ARVCF: variants seen among roughly 807,000 people sequenced by gnomAD.
The protein encoded by ARVCF is ARVCF delta catenin family member, also known as splicing regulator ARVCF.
ARVCF carries 66 observed loss-of-function variants against 90.9 expected under a neutral mutation model. That is an observed-to-expected ratio of 0.73 (90% CI 0.60 to 0.89). The LOEUF is 0.89. Ranked by LOEUF, ARVCF falls within the 40% of genes least tolerant of loss-of-function variation. The probability of loss-of-function intolerance (pLI) is 0.00; values close to 1 mark genes in which losing one functional copy is unlikely to be tolerated. For missense variants in ARVCF, 1,469 were observed against 1,382.3 expected (o/e 1.06, Z -1.00); for synonymous variants, 653 against 603.4 (o/e 1.08, Z -1.21).
intron 1 of ARVCF, among the ~76,000 whole-genome samples, chr22:20,015,990 A>G (rs1428286572): frequency 2.6e-5 from 4 of 152,170 alleles, no homozygotes; most frequent in African/African-American, 7.2e-5. Flanking sequence ...AGTGGAGATG[A>G]CATGTCTCCG....
At chr22:19,993,807 G>A (rs1334233659) in intron 2 of ARVCF, among the ~76,000 whole-genome samples, 1 of 152,238 alleles carries the variant, frequency 6.6e-6, no homozygotes, top group Non-Finnish European at 1.5e-5. Flanking sequence ...CTGAAGGGGG[G>A]CTGGAAAGGT....
intron 2 of ARVCF, among the ~76,000 whole-genome samples, chr22:19,994,192 C>T (rs983444627): frequency 4.0e-5 from 6 of 149,248 alleles, no homozygotes; most frequent in South Asian, 2.1e-4. Context: ...ATGGACAGGT[C>T]GGAGGATCGT....
At position 19,974,244 on chromosome 22, in the gene ARVCF, G is replaced by A. The variant is rs752977311; in HGVS notation, c.1961-5C>T. The A allele has an allele frequency of 3.1e-6, 5 of 1,601,778 alleles. 1 individual carries two copies. The highest frequency in any genetic ancestry group is 1.3e-5 in the African/African-American group (1 of 74,768). ...GCTGGTACAGCAGCTCAAAGCCTAG[G>A]TGCAGGGCAACCGCCACCCACGGTC... is the stretch of plus-strand genomic sequence containing the variant. On this transcript the variant is annotated splice_polypyrimidine_tract_variant and splice_region_variant and intron_variant, in intron 11 of 19. Coordinates refer to ENST00000263207, the MANE Select transcript of ARVCF (RefSeq NM_001670.3).
chr22:19,977,839 A>G, intron 8 of ARVCF, 119 bp downstream of exon 8: 1 of 1,251,700 alleles, frequency 8.0e-7, no homozygotes, highest in Non-Finnish European at 1.1e-6. Context: ...CCACACCCAG[A>G]ACGCCACCCC....
At chr22:19,979,607 A>G in intron 6 of ARVCF, 136 bp downstream of exon 6, 1 of 1,316,760 alleles carries the variant, frequency 7.6e-7, no homozygotes, top group East Asian at 2.5e-5. Flanking sequence ...TCCTGGGGCA[A>G]GCGTCTCAGC....
At position 19,981,977 on chromosome 22, in the gene ARVCF, T is replaced by C. The variant is rs202223185; in HGVS notation, c.325A>G (p.Ile109Val). Residue 109 changes from isoleucine to valine, a missense_variant, in exon 4 of 20, where the codon ATT becomes GTT. Ile to Val is a conservative substitution (Grantham distance 29, BLOSUM62 3). Coordinates refer to ENST00000263207, the MANE Select transcript of ARVCF (RefSeq NM_001670.3). ...GTTGTGCCATCTTCGGATGTGACAA[T>C]AGACACATGGGAAGTGGGTGTGCCG... is the stretch of plus-strand genomic sequence containing the variant. ...DPGTPTSHVS[I>V]VTSEDGTTRR... The C allele has an allele frequency of 1.8e-5, 29 of 1,612,908 alleles. No homozygotes were observed. The highest frequency in any genetic ancestry group is 1.3e-4 in the Admixed American group (8 of 59,976).
At chr22:20,002,469 TAAAA>T (rs1944480079) in intron 2 of ARVCF, among the ~76,000 whole-genome samples, 1 of 152,186 alleles carries the variant, frequency 6.6e-6, no homozygotes, top group Non-Finnish European at 1.5e-5. Flanking sequence ...ACAGCTTTGT[TAAAA>T]CAAACAAACG....
chr22:19,997,211 GT>G (rs1476556838), intron 2 of ARVCF, among the ~76,000 whole-genome samples: 1 of 152,206 alleles, frequency 6.6e-6, no homozygotes, highest in Non-Finnish European at 1.5e-5. Context: ...GAAGCCTAAG[GT>G]TAGGGCAAGG....
chr22:19,982,364 C>T, intron 3 of ARVCF, among the ~76,000 whole-genome samples: 1 of 152,170 alleles, frequency 6.6e-6, no homozygotes, highest in East Asian at 1.9e-4. Context: ...CTCAGGTCTC[C>T]TCAGGCTGAG....
In ARVCF at chr22:19,975,771, G is replaced by C. The variant is rs764362739; in HGVS notation, c.1889-14C>G. The stretch of plus-strand genomic sequence containing the variant: ...CATCCTTCTTTCCTGGAAGGGAAAG[G>C]TGGTGGGAGGTGAGGCAGACCCCAT... On this transcript the variant is annotated splice_polypyrimidine_tract_variant and intron_variant, in intron 10 of 19. Coordinates refer to ENST00000263207, the MANE Select transcript of ARVCF (RefSeq NM_001670.3). The C allele has an allele frequency of 1.9e-6, 3 of 1,613,048 alleles. No homozygotes were observed. Among genetic ancestry groups the C allele is most frequent in the African/African-American group, 2.7e-5 (2 of 75,042 alleles).
intron 14 of ARVCF, 35 bp from the exon 15 acceptor site, chr22:19,973,071 T>TGCC: frequency 7.4e-7 from 1 of 1,349,732 alleles, no homozygotes; most frequent in Non-Finnish European, 1.0e-6. Flanking sequence ...TGGTGGCCCC[T>TGCC]CCCCCACCTC....
intron 13 of ARVCF, 148 bp from the exon 14 acceptor site, chr22:19,973,465 C>T: frequency 7.5e-7 from 1 of 1,328,782 alleles, no homozygotes; most frequent in South Asian, 1.5e-5. Flanking sequence ...GTGAGCAGGG[C>T]GCTGAGCTTC....
In ARVCF at chr22:19,985,445, T is replaced by C. The variant is rs569596423; in HGVS notation, c.211-3354A>G. On this transcript the variant is annotated intron_variant, in intron 3 of 19. Transcript: ENST00000263207. ...CCACCTACCCCTGCTCACAAGAGGG[T>C]CCCGGGAACACAGGGCTGAGCCCAG... Among the ~76,000 whole-genome samples the C allele has an allele frequency of 5.8e-4, 88 of 151,988 alleles. 1 individual carries two copies. The highest frequency in any genetic ancestry group is 1.2e-3 in the Non-Finnish European group (80 of 67,950).
At chr22:19,987,382 T>C (rs71313933) in intron 3 of ARVCF, among the ~76,000 whole-genome samples, 50,166 of 94,138 alleles carry the variant, frequency 0.53, 10,315 homozygotes, top group African/African-American at 0.63. Flanking sequence ...GTCCCCCCAC[T>C]TCCCACCACC....
intron 2 of ARVCF, among the ~76,000 whole-genome samples, chr22:19,993,128 G>C (rs995319776): frequency 1.3e-5 from 2 of 152,104 alleles, no homozygotes; most frequent in African/African-American, 4.8e-5. Flanking sequence ...CCAGCCGCAG[G>C]GTGCACCCTG....
Position 19,971,341 on chromosome 22 carries a change from G to T in ARVCF, c.2782-6C>A. ...GCCTTCCTGCTGGGGTCGAGCTGCA[G>T]CGCACGGGTGGGCATTAGAGGCACA... On this transcript the variant is annotated splice_polypyrimidine_tract_variant and splice_region_variant and intron_variant, in intron 18 of 19. Transcript: ENST00000263207. The T allele has an allele frequency of 1.3e-6, 2 of 1,550,454 alleles. No individual in the cohort carries two copies.
chr22:20,007,387 G>A (rs1357592577), intron 2 of ARVCF, among the ~76,000 whole-genome samples: 1 of 152,260 alleles, frequency 6.6e-6, no homozygotes, highest in Non-Finnish European at 1.5e-5. Flanking sequence ...GGGTGACAGA[G>A]CGAGACTCCG....
intron 2 of ARVCF, among the ~76,000 whole-genome samples, chr22:19,995,153 C>G (rs747311933): frequency 2.6e-5 from 4 of 151,702 alleles, no homozygotes; most frequent in Non-Finnish European, 4.4e-5. Flanking sequence ...AGTGAGTGAA[C>G]AAGTGTGTGG....
At chr22:19,987,314 G>A (rs1459779245) in intron 3 of ARVCF, 14 of 255,512 alleles carry the variant, frequency 5.5e-5, no homozygotes, top group African/African-American at 2.3e-4. Flanking sequence ...GGCGGGCAAT[G>A]TGAGGTCCCG....
Sources: allele counts gnomAD v4.1 joint callset (sites outside exome capture counted in the v4.1 genomes callset), GRCh38; gene constraint gnomAD v4.1.1; transcripts MANE v1.5; gene names NCBI Gene and HGNC (gene_info 2026-07-23, HGNC 2026-07-21).